Variants in ARGLU1 observed in about 807,000 individuals in gnomAD.
ARGLU1 encodes the protein arginine and glutamate-rich protein 1.
Under a neutral mutation model 37.6 loss-of-function variants are expected in ARGLU1, and 9 were observed. That is an observed-to-expected ratio of 0.24 (90% CI 0.14 to 0.42). The LOEUF (loss-of-function observed/expected upper bound fraction) is 0.42. Among genes scored for constraint, ARGLU1 ranks in the 10% least tolerant of loss-of-function variants. ARGLU1 has a pLI of 1.00. For missense variants in ARGLU1, 211 were observed against 359.2 expected, an observed-to-expected ratio of 0.59 and a Z score of 3.34; for synonymous variants, 166 against 138.5, an observed-to-expected ratio of 1.20 and a Z score of -1.39.
chr13:106,559,315 C>T (rs1471426698), intron 2 of ARGLU1, 117 bp downstream of exon 2: 21 of 1,546,988 alleles, frequency 1.4e-5, no homozygotes, highest in East Asian at 1.2e-4. Flanking sequence ...TAAGTTTAGA[C>T]GAGAAAGGAA....
In ARGLU1 at chr13:106,567,984, G is replaced by T; in HGVS notation, c.-65C>A. On this transcript the variant is annotated 5_prime_UTR_variant, in exon 1 of 4. Transcript: ENST00000400198. This position sits in a 1 kb window ranked among gnomAD's most constrained non-coding sequence, Gnocchi z 4.3. ...CACGCGGCCAGTTCCCCTCGCCTCCGCCTTCGGACGCGGGCTGGCGGTTCT... is the reference window on the plus strand; with the variant it reads ...CACGCGGCCAGTTCCCCTCGCCTCCTCCTTCGGACGCGGGCTGGCGGTTCT... 1 of 1,519,272 alleles carries T rather than the reference G, an allele frequency of 6.6e-7. No individual in the cohort carries two copies. Among genetic ancestry groups the T allele is most frequent in the Non-Finnish European group, 8.7e-7 (1 of 1,145,964 alleles). The allele number at this position is 1,519,272 out of a possible 1,614,324, so 94.1% of individuals were successfully genotyped here.
chr13:106,551,970 C>G (rs1376198364), intron 3 of ARGLU1, among the ~76,000 whole-genome samples: 1 of 152,152 alleles, frequency 6.6e-6, no homozygotes, highest in African/African-American at 2.4e-5. Context: ...GCAAAAGCCC[C>G]GCCCTCCTTG....
chr13:106,565,628 T>G (rs1187688341), intron 1 of ARGLU1, among the ~76,000 whole-genome samples: 1 of 152,218 alleles, frequency 6.6e-6, no homozygotes, highest in Non-Finnish European at 1.5e-5. Flanking sequence ...GACTGCAAAC[T>G]GTTTCCTTAC....
At chr13:106,548,178 CA>C (rs891927666) in intron 3 of ARGLU1, among the ~76,000 whole-genome samples, 42 of 150,268 alleles carry the variant, frequency 2.8e-4, no homozygotes, top group African/African-American at 9.3e-4. Flanking sequence ...TACACTTTGA[CA>C]AAAAAAAAGA....
At chr13:106,547,315 C>T (rs1450256018) in intron 3 of ARGLU1, among the ~76,000 whole-genome samples, 1 of 152,170 alleles carries the variant, frequency 6.6e-6, no homozygotes, top group Non-Finnish European at 1.5e-5. Context: ...CTTCGTAATA[C>T]TTTATGCCAG....
intron 3 of ARGLU1, among the ~76,000 whole-genome samples, chr13:106,546,264 C>A (rs1361480257): frequency 1.3e-5 from 2 of 152,214 alleles, no homozygotes; most frequent in African/African-American, 4.8e-5. Context: ...CTCACTCTTT[C>A]TTGTTCTCAA....
At chr13:106,549,022 A>T (rs1880466400) in intron 3 of ARGLU1, among the ~76,000 whole-genome samples, 1 of 152,180 alleles carries the variant, frequency 6.6e-6, no homozygotes, top group African/African-American at 2.4e-5. Flanking sequence ...AAGTGCTGGG[A>T]TTACAGGCGT....
intron 1 of ARGLU1, among the ~76,000 whole-genome samples, chr13:106,560,912 T>A (rs1594193951): frequency 6.6e-6 from 1 of 152,208 alleles, no homozygotes; most frequent in Non-Finnish European, 1.5e-5. Context: ...CCACTTCAAC[T>A]CAACTCTATT....
At position 106,564,159 on chromosome 13, in the gene ARGLU1, G is replaced by A. The variant is rs566635497; in HGVS notation, c.347+3414C>T. Among the ~76,000 whole-genome samples the A allele has an allele frequency of 2.0e-5, 3 of 152,230 alleles. No homozygotes were observed. The East Asian group carries it at 5.8e-4, about 29-fold the overall frequency. On this transcript the variant is annotated intron_variant, in intron 1 of 3. Transcript: ENST00000400198. ...TGCCTATTCAAAATTGAGGGCAAAAGTCTTTAAAAATGTAAAGGCCTACCT... is the reference window on the plus strand; with the variant it reads ...TGCCTATTCAAAATTGAGGGCAAAAATCTTTAAAAATGTAAAGGCCTACCT...
rs566258317 is a variant in ARGLU1 at position 106,558,982 on chromosome 13, C to G, written c.573+450G>C. On this transcript the variant is annotated intron_variant, in intron 2 of 3. Coordinates refer to ENST00000400198, the MANE Select transcript of ARGLU1 (RefSeq NM_018011.4). ...ACCTATTTATCAAAGCAGGTGCTAT[C>G]ACTCAATGTTAGGCCCTGCTCTTTT... 11 of 985,410 alleles carry G rather than the reference C, an allele frequency of 1.1e-5. No homozygotes were observed. The African/African-American group carries it at 1.9e-4, about 17-fold the overall frequency. The allele number at this position is 985,410 out of a possible 1,614,324, so 61.0% of individuals were successfully genotyped here.
chr13:106,560,869 T>C (rs1033142792), intron 1 of ARGLU1, among the ~76,000 whole-genome samples: 9 of 152,210 alleles, frequency 5.9e-5, no homozygotes, highest in Non-Finnish European at 1.0e-4. Flanking sequence ...GTAAAGACTT[T>C]ATAGTTTCTA....
In ARGLU1 at chr13:106,559,656, G is replaced by A. The variant is rs1407010146; in HGVS notation, c.349C>T (p.Arg117Ter). Residue 117 changes from arginine (R) to a stop codon, truncating the protein, a stop_gained and splice_region_variant, in exon 2 of 4, where the codon CGA becomes TGA. Coordinates refer to ENST00000400198, the MANE Select transcript of ARGLU1 (RefSeq NM_018011.4). LOFTEE classifies it high-confidence loss of function. ...KAEFERQRKI[R>*]QQEIEEKLIE... ...AGTTTTTCTTCTATTTCTTGCTGTC[G>A]ACTAGCAAACAAAGTGAAAAAAACA... 1.2e-6 allele frequency: 2 copies of A among 1,606,750 alleles called. No homozygotes were observed. The highest frequency in any genetic ancestry group is 8.5e-7 in the Non-Finnish European group (1 of 1,176,744).
chr13:106,545,873 T>C (rs754106145), intron 3 of ARGLU1, among the ~76,000 whole-genome samples: 10 of 152,182 alleles, frequency 6.6e-5, no homozygotes, highest in Non-Finnish European at 1.5e-4. Context: ...ATCTTTAAGA[T>C]ACAGCTCTCT....
intron 1 of ARGLU1, among the ~76,000 whole-genome samples, chr13:106,566,735 C>A (rs1880973758): frequency 6.6e-6 from 1 of 152,160 alleles, no homozygotes; most frequent in South Asian, 2.1e-4. Flanking sequence ...CACTAAATAT[C>A]CTTCATGGGA....
chr13:106,556,782 T>A (rs1245798399), intron 3 of ARGLU1, among the ~76,000 whole-genome samples: 1 of 152,170 alleles, frequency 6.6e-6, no homozygotes, highest in Non-Finnish European at 1.5e-5. Context: ...TGAATGAGGT[T>A]AGGAAAGAAA....
Position 106,567,884 on chromosome 13 carries a change from G to C in ARGLU1, c.36C>G (p.Ser12=). ...GRSRSRSSSR[S]KHTKSSKHNK... ...TGTGCTTGCTGCTCTTGGTGTGCTT[G>C]GAGCGGGACGAGCTCCGGCTCCGAG... Residue 12 remains serine, a synonymous_variant, in exon 1 of 4, where the codon TCC becomes TCG. Transcript: ENST00000400198. This position sits in a 1 kb window ranked among gnomAD's most constrained non-coding sequence, Gnocchi z 4.3. 1.2e-6 allele frequency: 2 copies of C among 1,611,182 alleles called. No homozygotes were observed. The highest frequency in any genetic ancestry group is 1.7e-6 in the Non-Finnish European group (2 of 1,179,646).
chr13:106,544,981 C>G (rs558973456), intron 3 of ARGLU1, among the ~76,000 whole-genome samples: 1 of 152,318 alleles, frequency 6.6e-6, no homozygotes, highest in African/African-American at 2.4e-5. Flanking sequence ...CCACAGATTT[C>G]CCCCTCTTTA....
At position 106,568,054 on chromosome 13, in the gene ARGLU1, C is replaced by T; in HGVS notation, c.-135G>A. Reference sequence around the variant, plus strand: ...AAGGTGTCGGCCAACGGACTTTATGCCTTTTCCCGGCGTCTACAGCTGCCA... The same window carrying T: ...AAGGTGTCGGCCAACGGACTTTATGTCTTTTCCCGGCGTCTACAGCTGCCA... On this transcript the variant is annotated 5_prime_UTR_variant, in exon 1 of 4. Transcript: ENST00000400198. 7.4e-7 allele frequency: 1 copy of T among 1,349,866 alleles called. No individual in the cohort carries two copies. The highest frequency in any genetic ancestry group is 1.6e-5 in the South Asian group (1 of 63,482). The allele number at this position is 1,349,866 out of a possible 1,614,324, so 83.6% of individuals were successfully genotyped here. A position where few individuals can be genotyped will look rare whatever the true frequency, so the allele number is the denominator to read the frequency against.
In ARGLU1 at chr13:106,543,895, C is replaced by A; in HGVS notation, c.*101G>T. The A allele has an allele frequency of 1.7e-6, 2 of 1,147,370 alleles. No homozygotes were observed. Among genetic ancestry groups the A allele is most frequent in the East Asian group, 3.0e-5 (1 of 33,038 alleles). The allele number at this position is 1,147,370 out of a possible 1,614,324, so 71.1% of individuals were successfully genotyped here. On this transcript the variant is annotated 3_prime_UTR_variant, in exon 4 of 4. Transcript: ENST00000400198. ...GAACAAGCTAACTTTCCAGATTTTA[C>A]AAATTAAAAAAACAAAAACAAAAAC...
Sources: allele counts gnomAD v4.1 joint callset (sites outside exome capture counted in the v4.1 genomes callset), GRCh38; gene constraint gnomAD v4.1.1; non-coding constraint Gnocchi (gnomAD v3.1); transcripts MANE v1.5; gene names NCBI Gene and HGNC (gene_info 2026-07-23, HGNC 2026-07-21).